The following ZGRF1 variants were observed in gnomAD, a reference collection of about 807,000 sequenced individuals.
The protein encoded by ZGRF1 is zinc finger GRF-type containing 1, also known as 5'-3' DNA helicase ZGRF1.
A neutral mutation model predicts 203.5 loss-of-function variants in ZGRF1; 196 were observed. That is an observed-to-expected ratio of 0.96 (90% CI 0.86 to 1.08). ZGRF1 has a LOEUF of 1.08. Among genes scored for constraint, ZGRF1 ranks in the 50% least tolerant of loss-of-function variants. The pLI is 0.00. For synonymous variants in ZGRF1, 809 were observed against 841.3 expected (o/e 0.96, Z 0.66); for missense variants, 2,326 against 2,416.3 (o/e 0.96, Z 0.78).
Position 112,562,613 on chromosome 4 carries a change from A to G in ZGRF1, c.4583-128T>C, listed in dbSNP as rs1742215984. 16 of 613,160 alleles carry G rather than the reference A, an allele frequency of 2.6e-5. No homozygotes were observed. In the South Asian group the frequency reaches 3.2e-4, roughly 12 times the overall value. The allele number at this position is 613,160 out of a possible 1,614,324, so 38.0% of individuals were successfully genotyped here. A position where few individuals can be genotyped will look rare whatever the true frequency, so the allele number is the denominator to read the frequency against. On this transcript the variant is annotated intron_variant, in intron 17 of 27. Transcript: ENST00000505019. Reference sequence around the variant, plus strand: ...AGCACATGACATAAAACAAACCCTTAAACACACACAGAGATCCCAAACTTA... The same window carrying G: ...AGCACATGACATAAAACAAACCCTTGAACACACACAGAGATCCCAAACTTA...
At position 112,618,434 on chromosome 4, in the gene ZGRF1, A is replaced by G; in HGVS notation, c.1608T>C (p.Asn536=). 1 of 1,613,826 alleles carries G rather than the reference A, an allele frequency of 6.2e-7. No homozygotes were observed. The highest frequency in any genetic ancestry group is 8.5e-7 in the Non-Finnish European group (1 of 1,179,912). The change falls in exon 6 of 28, where the codon AAT becomes AAC. Residue 536 remains asparagine (N), a synonymous_variant. Transcript: ENST00000505019. ...CCTCCTCAGTGTCACTGGTCTCAAA[A>G]TTGTTCAGATTAAAAGTTACCTCCA... The part of the protein sequence containing the change: ...PFLEVTFNLN[N]FETSDTEEES...
chr4:112,539,826 A>C, intron 27 of ZGRF1, 37 bp downstream of exon 27: 2 of 1,607,646 alleles, frequency 1.2e-6, no homozygotes, highest in African/African-American at 1.3e-5. Flanking sequence ...GTCAGTTTGA[A>C]CTTGAAATGC....
At position 112,562,371 on chromosome 4, in the gene ZGRF1, G is replaced by A. The variant is rs774083901; in HGVS notation, c.4697C>T (p.Thr1566Met). The A allele has an allele frequency of 1.2e-5, 19 of 1,554,136 alleles. No homozygotes were observed. The highest frequency in any genetic ancestry group is 5.2e-5 in the Admixed American group (3 of 57,878). Residue 1566 changes from threonine to methionine, a missense_variant and splice_region_variant, in exon 18 of 28, where the codon ACG becomes ATG. Physicochemically the swap from Thr to Met is moderately conservative, Grantham distance 81 (BLOSUM62 -1). Transcript: ENST00000505019. The part of the protein sequence containing the change: ...TLPLTQYLLT[T>M]SSPTIVSNKR... ...GACTCAAAGGTAAAAAATGACTTACGTTGTTAACAGGTACTGTGTTAGAGG... is the reference window on the plus strand; with the variant it reads ...GACTCAAAGGTAAAAAATGACTTACATTGTTAACAGGTACTGTGTTAGAGG...
rs181664634 is a variant in ZGRF1, at chr4:112,607,363, G to A, written c.2719-1272C>T. On this transcript the variant is annotated intron_variant, in intron 8 of 27. Transcript: ENST00000505019. Reference sequence around the variant, plus strand: ...TGCCCACACTGATCTCAAACTCCTGGCCTCAAATGATACCCCTGTCTTGGC... The same window carrying A: ...TGCCCACACTGATCTCAAACTCCTGACCTCAAATGATACCCCTGTCTTGGC... Among the ~76,000 whole-genome samples, 310 of 152,182 alleles carry A rather than the reference G, an allele frequency of 2.0e-3. 1 individual carries two copies. Among genetic ancestry groups the A allele is most frequent in the African/African-American group, 7.0e-3 (292 of 41,518 alleles).
At chr4:112,611,782 A>G (rs528082998) in intron 7 of ZGRF1, among the ~76,000 whole-genome samples, 6 of 152,292 alleles carry the variant, frequency 3.9e-5, no homozygotes, top group African/African-American at 1.4e-4. Flanking sequence ...ATCTTGCTAC[A>G]TTTCTTTCAA....
Position 112,618,357 on chromosome 4 carries a change from T to C in ZGRF1, c.1685A>G (p.Asp562Gly), listed in dbSNP as rs1327010527. The C allele has an allele frequency of 2.5e-6, 4 of 1,613,786 alleles. No homozygotes were observed. Among genetic ancestry groups the C allele is most frequent in the Admixed American group, 1.7e-5 (1 of 59,988 alleles). ...TGAATTGCCATCATTAACCAAAATGTCCTTTACCCAACTCTCTGAATCCTG... is the reference window on the plus strand; with the variant it reads ...TGAATTGCCATCATTAACCAAAATGCCCTTTACCCAACTCTCTGAATCCTG... ...ISQDSESWVK[D>G]ILVNDGNSCF... The change falls in exon 6 of 28, where the codon GAC becomes GGC. Residue 562 changes from aspartate (D) to glycine (G), a missense_variant. By Grantham distance (94) the Asp-to-Gly change is moderately conservative. Transcript: ENST00000505019.
intron 16 of ZGRF1, among the ~76,000 whole-genome samples, chr4:112,566,936 T>A (rs147053727): frequency 1.3e-4 from 19 of 149,946 alleles, no homozygotes; most frequent in African/African-American, 4.4e-4. Flanking sequence ...GGTCCAGAAA[T>A]CCTCTGGAGG....
chr4:112,614,142 A>G (rs1327327935), intron 6 of ZGRF1, among the ~76,000 whole-genome samples: 1 of 150,680 alleles, frequency 6.6e-6, no homozygotes, highest in Non-Finnish European at 1.5e-5. Flanking sequence ...ATTGGTGGCA[A>G]AATTTCTTCT....
intron 7 of ZGRF1, chr4:112,610,698 C>T (rs147540832): frequency 1.3e-5 from 2 of 152,986 alleles, no homozygotes; most frequent in Non-Finnish European, 2.9e-5. Flanking sequence ...AAAATGCAAA[C>T]AATGATTTAT....
chr4:112,618,114 C>A lies in ZGRF1; in HGVS notation c.1928G>T (p.Ser643Ile), dbSNP rs751036257. ...KEIEEYSDTL[S>I]NFESFKWTDA... is the part of the protein sequence containing the mutation. ...AGTCCACTTGAAAGATTCAAAATTG[C>A]TTAATGTGTCACTATACTCCTCTAT... Residue 643 changes from serine to isoleucine, a missense_variant, in exon 6 of 28, where the codon AGC (serine) becomes ATC (isoleucine). Coordinates refer to ENST00000505019, the MANE Select transcript of ZGRF1 (RefSeq NM_018392.5). 5 of 1,613,856 alleles carry A rather than the reference C, an allele frequency of 3.1e-6. No individual in the cohort carries two copies. Among genetic ancestry groups the A allele is most frequent in the Non-Finnish European group, 3.4e-6 (4 of 1,179,868 alleles).
chr4:112,627,454 A>G (rs2047274270), intron 3 of ZGRF1, among the ~76,000 whole-genome samples: 1 of 152,172 alleles, frequency 6.6e-6, no homozygotes, highest in Non-Finnish European at 1.5e-5. Flanking sequence ...CTAAAATACA[A>G]ATATAGCCGG....
At chr4:112,580,121 C>T (rs182036677) in intron 16 of ZGRF1, among the ~76,000 whole-genome samples, 6,141 of 121,444 alleles carry the variant, frequency 0.051, 1,663 homozygotes, top group African/African-American at 0.16. Context: ...GAAATAATGC[C>T]GCATACCTAC....
At chr4:112,632,131 T>C (rs2047431708) in intron 2 of ZGRF1, 121 bp from the exon 3 acceptor site, 1 of 405,726 alleles carries the variant, frequency 2.5e-6, no homozygotes. Flanking sequence ...AAAAGGCACA[T>C]ACACCCATAT....
Position 112,586,559 on chromosome 4 carries a change from A to G in ZGRF1, c.3802T>C (p.Phe1268Leu). 1 of 1,612,758 alleles carries G rather than the reference A, an allele frequency of 6.2e-7. No individual in the cohort carries two copies. The highest frequency in any genetic ancestry group is 8.5e-7 in the Non-Finnish European group (1 of 1,179,132). Reference sequence around the variant, plus strand: ...GATTTTATTTTCTGCCCACTTGGAAAGCACAGCTCAGAGCCACTTATCTCC... The same window carrying G: ...GATTTTATTTTCTGCCCACTTGGAAGGCACAGCTCAGAGCCACTTATCTCC... Reference protein sequence around the residue: ...LQEISGSELCFPSGQKIKSAY... With the variant: ...LQEISGSELCLPSGQKIKSAY... Residue 1268 changes from phenylalanine (F) to leucine (L), a missense_variant, in exon 13 of 28, where the codon TTT becomes CTT. Transcript: ENST00000505019.
intron 10 of ZGRF1, 120 bp downstream of exon 10, chr4:112,603,404 T>A (rs1750269525): frequency 1.7e-6 from 1 of 580,196 alleles, no homozygotes; most frequent in Non-Finnish European, 2.9e-6. Context: ...ATGCTTCTTG[T>A]CAATTTACTG....
intron 16 of ZGRF1, among the ~76,000 whole-genome samples, chr4:112,580,956 C>A (rs997229394): frequency 6.6e-6 from 1 of 152,096 alleles, no homozygotes; most frequent in Non-Finnish European, 1.5e-5. Context: ...ATAAAACATG[C>A]TGCTATAAAG....
At chr4:112,585,349 AT>A (rs1746984728) in intron 14 of ZGRF1, among the ~76,000 whole-genome samples, 191 bp downstream of exon 14, 1 of 152,190 alleles carries the variant, frequency 6.6e-6, no homozygotes, top group South Asian at 2.1e-4. Context: ...CTTAACTCAT[AT>A]TTTTGTATCC....
intron 10 of ZGRF1, among the ~76,000 whole-genome samples, chr4:112,597,989 A>G (rs1749323680): frequency 6.6e-6 from 1 of 152,118 alleles, no homozygotes; most frequent in Non-Finnish European, 1.5e-5. Flanking sequence ...TGAAAGCAAA[A>G]AAAACCATTT....
Position 112,618,003 on chromosome 4 carries a change from T to C in ZGRF1, c.2039A>G (p.Asn680Ser). The change falls in exon 6 of 28, where the codon AAT (asparagine) becomes AGT (serine). Residue 680 changes from asparagine to serine, a missense_variant. Asn to Ser is a conservative substitution (Grantham distance 46). Transcript: ENST00000505019. ...RINYDFALPP[N>S]KSKGINMNLH... Reference sequence around the variant, plus strand: ...ATTCATGTTTATACCTTTAGATTTATTCGGGGGTAAAGCAAAATCATAGTT... The same window carrying C: ...ATTCATGTTTATACCTTTAGATTTACTCGGGGGTAAAGCAAAATCATAGTT... 6 of 1,612,674 alleles carry C rather than the reference T, an allele frequency of 3.7e-6. No individual in the cohort carries two copies. In the South Asian group the frequency reaches 5.5e-5, roughly 15 times the overall value.
Sources: allele counts gnomAD v4.1 joint callset (sites outside exome capture counted in the v4.1 genomes callset), GRCh38; gene constraint gnomAD v4.1.1; transcripts MANE v1.5; gene names NCBI Gene and HGNC (gene_info 2026-07-23, HGNC 2026-07-21).